Variants in MYO1G observed in about 807,000 individuals in gnomAD.
The protein encoded by MYO1G is unconventional myosin-Ig.
In MYO1G, 65 loss-of-function variants were observed where a neutral mutation model predicts 115.3. That is an observed-to-expected ratio of 0.56 (90% CI 0.46 to 0.69). The LOEUF (loss-of-function observed/expected upper bound fraction) is 0.69. Among genes scored for constraint, MYO1G ranks in the 30% least tolerant of loss-of-function variants. The pLI is 0.00. For missense variants in MYO1G, 1,204 were observed against 1,393.5 expected (o/e 0.86, Z 2.16); for synonymous variants, 510 against 552.6 (o/e 0.92, Z 1.08).
intron 9 of MYO1G, 112 bp from the exon 10 acceptor site, chr7:44,970,266 C>G: frequency 1.2e-6 from 1 of 825,268 alleles, no homozygotes; most frequent in African/African-American, 1.7e-5. Flanking sequence ...GTTCTGGTGC[C>G]AGCACCCTGT....
chr7:44,974,239 A>G (rs1412934688), intron 5 of MYO1G: 1 of 151,714 alleles, frequency 6.6e-6, no homozygotes, highest in Non-Finnish European at 1.5e-5. Context: ...CTTGCATCCC[A>G]GGAGGCTCCC....
At position 44,962,855 on chromosome 7, in the gene MYO1G, G is replaced by T; in HGVS notation, c.2941C>A (p.Pro981Thr). 1 of 1,505,976 alleles carries T rather than the reference G, an allele frequency of 6.6e-7. No homozygotes were observed. The highest frequency in any genetic ancestry group is 1.3e-5 in the South Asian group (1 of 78,230). The allele number at this position is 1,505,976 out of a possible 1,614,324, so 93.3% of individuals were successfully genotyped here. Reference sequence around the variant, plus strand: ...CGCCGGACCCCGCGATGGCTTAGTGGGATGCAGTCGGAGACGCGAACCTCC... The same window carrying T: ...CGCCGGACCCCGCGATGGCTTAGTGTGATGCAGTCGGAGACGCGAACCTCC... The part of the protein sequence containing the change: ...TLEVRVSDCI[P>T]LSHRGVRRLI... Residue 981 changes from proline to threonine, a missense_variant, in exon 22 of 22, where the codon CCA becomes ACA. By Grantham distance (38) the Pro-to-Thr change is conservative (BLOSUM62 -1). Coordinates refer to ENST00000258787, the MANE Select transcript of MYO1G (RefSeq NM_033054.3). The surrounding 1 kb of genome is among the most constrained non-coding windows in gnomAD (Gnocchi z 5.3).
chr7:44,970,440 A>T, intron 9 of MYO1G, 152 bp downstream of exon 9: 1 of 959,040 alleles, frequency 1.0e-6, no homozygotes, highest in Non-Finnish European at 1.5e-6. Flanking sequence ...GGTGCAGGTG[A>T]GGCAGGTTTG....
Position 44,966,468 on chromosome 7 carries a change from C to A in MYO1G, c.1950-188G>T, listed in dbSNP as rs750806398. On this transcript the variant is annotated intron_variant, in intron 15 of 21. Coordinates refer to ENST00000258787, the MANE Select transcript of MYO1G (RefSeq NM_033054.3). This position sits in a 1 kb window ranked among gnomAD's most constrained non-coding sequence, Gnocchi z 5.0. ...TACATGTCCTCACACAGCCCTCATA[C>A]CCATGTTCCCACCTGTATGTCCCCA... 1.3e-5 allele frequency: 11 copies of A among 820,878 alleles called. No individual in the cohort carries two copies. In the South Asian group the frequency reaches 1.4e-4, roughly 11 times the overall value. The allele number at this position is 820,878 out of a possible 1,614,324, so 50.8% of individuals were successfully genotyped here. A position where few individuals can be genotyped will look rare whatever the true frequency, so the allele number is the denominator to read the frequency against.
rs1413366209 is a variant in MYO1G, at chr7:44,976,589, G to A, written c.373C>T (p.Pro125Ser). 1 of 1,614,100 alleles carries A rather than the reference G, an allele frequency of 6.2e-7. No individual in the cohort carries two copies. Among genetic ancestry groups the A allele is most frequent in the Non-Finnish European group, 8.5e-7 (1 of 1,180,012 alleles). The part of the protein sequence containing the change: ...IMQYIAAVTN[P>S]SQRAEVERVK... ...CTCTCCACCTCAGCCCTCTGGCTTGGATTGGTGACAGCAGCGATGTACTGC... is the reference window on the plus strand; with the variant it reads ...CTCTCCACCTCAGCCCTCTGGCTTGAATTGGTGACAGCAGCGATGTACTGC... Residue 125 changes from proline to serine, a missense_variant, in exon 3 of 22, where the codon CCA (proline) becomes TCA (serine). By Grantham distance (74) the Pro-to-Ser change is moderately conservative. Transcript: ENST00000258787.
Position 44,964,259 on chromosome 7 carries a change from G to A in MYO1G, c.2632-97C>T, listed in dbSNP as rs77268502. On this transcript the variant is annotated intron_variant, in intron 19 of 21. Transcript: ENST00000258787. The surrounding 1 kb of genome is among the most constrained non-coding windows in gnomAD (Gnocchi z 5.1). ...CCTACTGCCTCCCCTCCCCGCTGGCGACAGTTTTGGGAGTGTCAGGAGCAG... is the reference window on the plus strand; with the variant it reads ...CCTACTGCCTCCCCTCCCCGCTGGCAACAGTTTTGGGAGTGTCAGGAGCAG... 3,343 of 1,324,284 alleles carry A rather than the reference G, an allele frequency of 2.5e-3. 48 individuals carry two copies. The East Asian group carries it at 0.042, about 17-fold the overall frequency. The allele number at this position is 1,324,284 out of a possible 1,614,324, so 82.0% of individuals were successfully genotyped here. A position where few individuals can be genotyped will look rare whatever the true frequency, so the allele number is the denominator to read the frequency against.
In MYO1G at chr7:44,969,060, A is replaced by G. The variant is rs1411159305; in HGVS notation, c.1574+353T>C. 1.2e-5 allele frequency: 3 copies of G among 248,928 alleles called. No homozygotes were observed. Among genetic ancestry groups the G allele is most frequent in the Non-Finnish European group, 2.4e-5 (3 of 123,994 alleles). The allele number at this position is 248,928 out of a possible 1,614,324, so 15.4% of individuals were successfully genotyped here. A position where few individuals can be genotyped will look rare whatever the true frequency, so the allele number is the denominator to read the frequency against. On this transcript the variant is annotated intron_variant, in intron 12 of 21. Transcript: ENST00000258787. This position sits in a 1 kb window ranked among gnomAD's most constrained non-coding sequence, Gnocchi z 5.0. ...TCACCTGGGAGCTTGTTAGAAATGC[A>G]GAATCTTGGCCCCCCTGCACCTTCC...
intron 9 of MYO1G, among the ~76,000 whole-genome samples, chr7:44,970,355 T>C (rs191364938): frequency 8.1e-4 from 124 of 152,152 alleles, no homozygotes; most frequent in Non-Finnish European, 1.4e-3. Flanking sequence ...CGTTCTGGAG[T>C]GGACTTGGGA....
chr7:44,975,586 G>A lies in MYO1G; in HGVS notation c.462C>T (p.Asn154=), dbSNP rs761937212. Residue 154 remains asparagine (N), a synonymous_variant, in exon 4 of 22, where the codon AAC becomes AAT. Coordinates refer to ENST00000258787, the MANE Select transcript of MYO1G (RefSeq NM_033054.3). ...VLEAFGNART[N]RNHNSSRFGK... ...CAAAGCGGCTGGAGTTGTGATTGCG[G>A]TTGGTGCGGGCATTGCCAAAGGCCT... The A allele has an allele frequency of 1.7e-5, 27 of 1,613,886 alleles. No individual in the cohort carries two copies. The African/African-American group carries it at 3.6e-4, about 22-fold the overall frequency.
chr7:44,978,803 C>T (rs1173249987), intron 1 of MYO1G, 64 bp downstream of exon 1: 13 of 1,497,870 alleles, frequency 8.7e-6, no homozygotes, highest in Non-Finnish European at 1.2e-5. Flanking sequence ...CCTCAGGTCT[C>T]TGCGAGGACG....
chr7:44,970,897 C>T lies in MYO1G; in HGVS notation c.1009G>A (p.Glu337Lys). ...GCAGTGTGGCCCTTCTCTATGAGTT[C>T]CCTGCCTCCCGAGGCAACTGTGCGA... is the stretch of plus-strand genomic sequence containing the variant. ...LARTVASGGR[E>K]LIEKGHTAAE... The change falls in exon 8 of 22, where the codon GAA (glutamate) becomes AAA (lysine). Residue 337 changes from glutamate (E) to lysine (K), a missense_variant. Glu to Lys is a moderately conservative substitution (Grantham distance 56). Coordinates refer to ENST00000258787, the MANE Select transcript of MYO1G (RefSeq NM_033054.3). 1 of 1,613,540 alleles carries T rather than the reference C, an allele frequency of 6.2e-7. No homozygotes were observed. The highest frequency in any genetic ancestry group is 2.2e-5 in the East Asian group (1 of 44,880).
At chr7:44,967,156 A>C (rs1408094752) in intron 14 of MYO1G, among the ~76,000 whole-genome samples, 2 of 152,158 alleles carry the variant, frequency 1.3e-5, no homozygotes, top group Admixed American at 1.3e-4. Flanking sequence ...TTCTGTAGTT[A>C]AGCTCACCCT....
chr7:44,972,072 G>T, intron 6 of MYO1G, 43 bp downstream of exon 6: 1 of 1,481,914 alleles, frequency 6.7e-7, no homozygotes, highest in South Asian at 1.1e-5. Flanking sequence ...CTCAGGCCCT[G>T]ACACTGAGCC....
Position 44,975,079 on chromosome 7 carries a change from T to C in MYO1G, c.618+95A>G, listed in dbSNP as rs1034210198. 7.7e-6 allele frequency: 10 copies of C among 1,295,282 alleles called. No homozygotes were observed. The African/African-American group carries it at 1.3e-4, about 17-fold the overall frequency. The allele number at this position is 1,295,282 out of a possible 1,614,324, so 80.2% of individuals were successfully genotyped here. On this transcript the variant is annotated intron_variant, in intron 5 of 21. Transcript: ENST00000258787. The stretch of plus-strand genomic sequence containing the variant: ...GGGTTGAGTGGGCAGAGAGGGGGAA[T>C]TGGGGTAGTGATGGAAGGGTCACAA...
chr7:44,978,873 T>C lies in MYO1G; in HGVS notation c.89A>G (p.Gln30Arg), dbSNP rs781334286. The change falls in exon 1 of 22, where the codon CAG becomes CGG. Residue 30 changes from glutamine to arginine, a missense_variant. Coordinates refer to ENST00000258787, the MANE Select transcript of MYO1G (RefSeq NM_033054.3). The part of the protein sequence containing the change: ...VTMEDFMRNL[Q>R]LRFEKGRIYT... ...CCTCCTGCCCTGGGCCTACCTGAGC[T>C]GCAGGTTCCTCATGAAGTCCTCCAT... is the stretch of plus-strand genomic sequence containing the variant. The C allele has an allele frequency of 3.1e-6, 5 of 1,614,152 alleles. No individual in the cohort carries two copies. The South Asian group carries it at 5.5e-5, about 18-fold the overall frequency.
chr7:44,970,976 A>G lies in MYO1G; in HGVS notation c.930T>C (p.His310=), dbSNP rs1004802144. ...LAVAEEALVD[H]VAELTATPRD... ...GGGGTGTGGCCGTCAGCTCAGCCACATGGTCCACCAGTGCCTCCTCGGCCA... is the reference window on the plus strand; with the variant it reads ...GGGGTGTGGCCGTCAGCTCAGCCACGTGGTCCACCAGTGCCTCCTCGGCCA... Residue 310 remains histidine (H), a synonymous_variant, in exon 8 of 22, where the codon CAT becomes CAC. Coordinates refer to ENST00000258787, the MANE Select transcript of MYO1G (RefSeq NM_033054.3). 3.7e-6 allele frequency: 6 copies of G among 1,613,364 alleles called. No individual in the cohort carries two copies. The highest frequency in any genetic ancestry group is 5.1e-6 in the Non-Finnish European group (6 of 1,179,994).
In MYO1G at chr7:44,970,755, C is replaced by G. The variant is rs1794941563; in HGVS notation, c.1072-18G>C. 4.3e-6 allele frequency: 7 copies of G among 1,613,556 alleles called. No individual in the cohort carries two copies. Among genetic ancestry groups the G allele is most frequent in the African/African-American group, 2.7e-5 (2 of 74,918 alleles). ...TACACTGCCTGGGGGATAGGAACAC[C>G]CTGCTTCCTGCTGCCTCTGGCCTGG... On this transcript the variant is annotated intron_variant, in intron 8 of 21. Transcript: ENST00000258787.
rs1195392512 is a variant in MYO1G, at chr7:44,966,629, A to C, written c.1949+43T>G. ...TGCTCCTACCCCTTGGACTCCACACAGGGACTATGGCCCATGGAGTGATGG... is the reference window on the plus strand; with the variant it reads ...TGCTCCTACCCCTTGGACTCCACACCGGGACTATGGCCCATGGAGTGATGG... On this transcript the variant is annotated intron_variant, in intron 15 of 21. Transcript: ENST00000258787. This position sits in a 1 kb window ranked among gnomAD's most constrained non-coding sequence, Gnocchi z 5.0. 3 of 1,610,998 alleles carry C rather than the reference A, an allele frequency of 1.9e-6. No individual in the cohort carries two copies. The highest frequency in any genetic ancestry group is 3.3e-5 in the Admixed American group (2 of 59,992).
At position 44,966,051 on chromosome 7, in the gene MYO1G, C is replaced by G. The variant is rs758292719; in HGVS notation, c.2157+22G>C. ...CTTTCCCCACCTCCATAGTGGATGT[C>G]TTCCTGCCCCGCCCACCTCACCTTC... On this transcript the variant is annotated intron_variant, in intron 16 of 21. Coordinates refer to ENST00000258787, the MANE Select transcript of MYO1G (RefSeq NM_033054.3). The surrounding 1 kb of genome is among the most constrained non-coding windows in gnomAD (Gnocchi z 5.0). 4 of 1,607,178 alleles carry G rather than the reference C, an allele frequency of 2.5e-6. No homozygotes were observed. Among genetic ancestry groups the G allele is most frequent in the Admixed American group, 1.7e-5 (1 of 59,986 alleles).
Sources: gnomAD v4.1 joint callset for allele counts (sites outside exome capture counted in the v4.1 genomes callset) on GRCh38, gnomAD v4.1.1 for gene constraint, Gnocchi (gnomAD v3.1) non-coding constraint, MANE v1.5 for transcripts, NCBI Gene and HGNC (gene_info 2026-07-23, HGNC 2026-07-21) for gene names.